MCTP2: variants seen among roughly 807,000 people sequenced by gnomAD.
The protein encoded by MCTP2 is multiple C2 and transmembrane domain-containing protein 2.
In MCTP2, 132 loss-of-function variants were observed where a neutral mutation model predicts 111.6. The observed-to-expected ratio is 1.18, with a 90% CI of 1.03 to 1.37. The LOEUF (loss-of-function observed/expected upper bound fraction) is 1.37. MCTP2 is among the 40% of genes most tolerant of loss of function. MCTP2 has a pLI of 0.00. For missense variants in MCTP2, 1,183 were observed against 1,067.9 expected, an observed-to-expected ratio of 1.11 and a Z score of -1.50; for synonymous variants, 395 against 387.7, an observed-to-expected ratio of 1.02 and a Z score of -0.22.
intron 1 of MCTP2, among the ~76,000 whole-genome samples, chr15:94,239,366 A>G (rs1358086015): frequency 1.3e-5 from 2 of 152,220 alleles, no homozygotes; most frequent in Non-Finnish European, 2.9e-5. Context: ...TCTGGGGCTC[A>G]GGAGTGCTGC....
chr15:94,286,032 A>G (rs995969023), intron 1 of MCTP2, among the ~76,000 whole-genome samples: 1 of 152,228 alleles, frequency 6.6e-6, no homozygotes, highest in Non-Finnish European at 1.5e-5. Context: ...CACATTTAGT[A>G]AAAAGTTGAA....
At chr15:94,300,205 A>G (rs2152338114) in intron 2 of MCTP2, among the ~76,000 whole-genome samples, 1 of 152,238 alleles carries the variant, frequency 6.6e-6, no homozygotes, top group East Asian at 1.9e-4. Flanking sequence ...CTGTTAAACC[A>G]TTTAGAACTT....
chr15:94,274,673 G>C (rs1046841610), intron 1 of MCTP2, among the ~76,000 whole-genome samples: 7 of 151,930 alleles, frequency 4.6e-5, no homozygotes, highest in African/African-American at 1.7e-4. Context: ...GACAAAAGAG[G>C]AAGTAGAAAT....
At chr15:94,405,967 A>G (rs2081876650) in intron 17 of MCTP2, among the ~76,000 whole-genome samples, 1 of 152,208 alleles carries the variant, frequency 6.6e-6, no homozygotes, top group Non-Finnish European at 1.5e-5. Context: ...TGACTTAGTG[A>G]ATGAGGCCAA....
chr15:94,412,622 C>T (rs1007097403), intron 17 of MCTP2, among the ~76,000 whole-genome samples: 4 of 151,992 alleles, frequency 2.6e-5, no homozygotes, highest in South Asian at 2.1e-4. Context: ...TAGGCTTTAG[C>T]GATGCTGTTA....
chr15:94,396,316 T>C (rs1021661734), intron 14 of MCTP2, among the ~76,000 whole-genome samples: 1 of 152,144 alleles, frequency 6.6e-6, no homozygotes, highest in Non-Finnish European at 1.5e-5. Flanking sequence ...ATATAGATTC[T>C]CTCCTCTAAA....
intron 8 of MCTP2, among the ~76,000 whole-genome samples, chr15:94,346,152 CAG>C (rs1294664055): frequency 7.2e-5 from 11 of 152,014 alleles, no homozygotes; most frequent in African/African-American, 2.2e-4. Flanking sequence ...AAGAGAGAAA[CAG>C]AGAATTTTAA....
intron 1 of MCTP2, among the ~76,000 whole-genome samples, chr15:94,275,974 G>A (rs1439075193): frequency 6.6e-6 from 1 of 151,150 alleles, no homozygotes; most frequent in African/African-American, 2.4e-5. Context: ...TCAGCCTCCT[G>A]AGTAGCTGGG....
chr15:94,325,812 A>ATT lies in MCTP2; in HGVS notation c.637+10200_637+10201dup, dbSNP rs557989149. On this transcript the variant is annotated intron_variant, in intron 4 of 22. Coordinates refer to ENST00000357742, the MANE Select transcript of MCTP2 (RefSeq NM_001385001.1). ...GAACCTACTCTACTCCATCGCTCCG[A>ATT]TTTTTTTTTTTTTTTTTTTTTTTTT... Among the ~76,000 whole-genome samples, 176 of 91,868 alleles carry ATT rather than the reference A, an allele frequency of 1.9e-3. 12 individuals are homozygous for ATT. The highest frequency in any genetic ancestry group is 6.6e-3 in the African/African-American group (148 of 22,340). The allele number at this position is 91,868 out of a possible 152,430, so 60.3% of individuals were successfully genotyped here.
intron 12 of MCTP2, among the ~76,000 whole-genome samples, chr15:94,379,220 G>A (rs2079960311): frequency 6.6e-6 from 1 of 152,066 alleles, no homozygotes. Context: ...GAAGTTAGGA[G>A]TGGAGGAAAG....
At chr15:94,352,496 G>C (rs2078359892) in intron 8 of MCTP2, among the ~76,000 whole-genome samples, 1 of 152,160 alleles carries the variant, frequency 6.6e-6, no homozygotes, top group South Asian at 2.1e-4. Flanking sequence ...TTGGGAGGAA[G>C]GAGAAAAATA....
At chr15:94,379,130 A>G (rs2079953338) in intron 12 of MCTP2, among the ~76,000 whole-genome samples, 4 of 151,344 alleles carry the variant, frequency 2.6e-5, no homozygotes, top group Admixed American at 2.6e-4. Context: ...GCACAGAGGG[A>G]CAACCTATTC....
At chr15:94,467,034 T>TGGC (rs2152536596) in intron 20 of MCTP2, among the ~76,000 whole-genome samples, 1 of 152,314 alleles carries the variant, frequency 6.6e-6, no homozygotes. Context: ...TAACACTTAT[T>TGGC]AAATAGTGAC....
In MCTP2 at chr15:94,470,321, G is replaced by T; in HGVS notation, c.2361-12G>T. 6.4e-7 allele frequency: 1 copy of T among 1,573,402 alleles called. No individual in the cohort carries two copies. Among genetic ancestry groups the T allele is most frequent in the Non-Finnish European group, 8.7e-7 (1 of 1,143,250 alleles). On this transcript the variant is annotated splice_polypyrimidine_tract_variant and intron_variant, in intron 20 of 22. Transcript: ENST00000357742. ...CATCAGAGGAAATTATATTTATGTG[G>T]TTTGTCTACAGCACATTTAACTGGA...
At chr15:94,466,059 TAACTTC>T (rs1339602848) in intron 20 of MCTP2, among the ~76,000 whole-genome samples, 6 of 152,200 alleles carry the variant, frequency 3.9e-5, no homozygotes, top group Admixed American at 3.9e-4. Context: ...ATTGGGTTCT[TAACTTC>T]AATTATTATG....
chr15:94,329,668 G>A (rs10152608), intron 4 of MCTP2, among the ~76,000 whole-genome samples: 4,004 of 152,082 alleles, frequency 0.026, 147 homozygotes, highest in African/African-American at 0.091. Context: ...ACCTCCCACC[G>A]GGCCCCACCT....
At chr15:94,390,099 T>TACGA (rs2080844407) in intron 14 of MCTP2, among the ~76,000 whole-genome samples, 1 of 12,444 alleles carries the variant, frequency 8.0e-5, no homozygotes, top group Non-Finnish European at 2.5e-4. Context: ...TGTATATATA[T>TACGA]ATATATATAT....
chr15:94,408,930 C>T (rs2082026539), intron 17 of MCTP2, among the ~76,000 whole-genome samples: 1 of 152,248 alleles, frequency 6.6e-6, no homozygotes, highest in Non-Finnish European at 1.5e-5. Flanking sequence ...GTCACTACCA[C>T]TGCCTTTTCT....
At chr15:94,389,266 G>A (rs1419761148) in intron 14 of MCTP2, among the ~76,000 whole-genome samples, 1 of 152,078 alleles carries the variant, frequency 6.6e-6, no homozygotes, top group East Asian at 1.9e-4. Flanking sequence ...GAGGTGTAGG[G>A]GAAAGGCCGT....
Sources: allele counts gnomAD v4.1 joint callset (sites outside exome capture counted in the v4.1 genomes callset), GRCh38; gene constraint gnomAD v4.1.1; transcripts MANE v1.5; gene names NCBI Gene and HGNC (gene_info 2026-07-23, HGNC 2026-07-21).